The following TMEM132D variants were observed in gnomAD, a reference collection of about 807,000 sequenced individuals.
TMEM132D encodes mature OL transmembrane protein.
TMEM132D carries 21 observed loss-of-function variants against 62.3 expected under a neutral mutation model. The ratio of observed to expected loss-of-function variants is 0.34; its 90% confidence interval spans 0.24 to 0.49. TMEM132D has a LOEUF of 0.49. Among genes scored for constraint, TMEM132D ranks in the 20% least tolerant of loss-of-function variants. The pLI, the probability that TMEM132D is intolerant of heterozygous loss-of-function variation, is 0.99. For missense variants in TMEM132D, 1,346 were observed against 1,402.8 expected (o/e 0.96, Z 0.65); for synonymous variants, 621 against 575.6 (o/e 1.08, Z -1.13).
At chr12:129,136,964 TCATCATCACCATCAACAG>T (rs1366306534) in intron 5 of TMEM132D, among the ~76,000 whole-genome samples, 1 of 144,774 alleles carries the variant, frequency 6.9e-6, no homozygotes, top group African/African-American at 2.6e-5. Context: ...ACCATCATTA[TCATCATCACCATCAACAG>T]CATCATCAGC....
chr12:129,390,269 T>C (rs1871256955), intron 3 of TMEM132D, among the ~76,000 whole-genome samples: 1 of 152,176 alleles, frequency 6.6e-6, no homozygotes, highest in African/African-American at 2.4e-5. Flanking sequence ...CACCCTTCCA[T>C]TTACAGATCA....
intron 2 of TMEM132D, among the ~76,000 whole-genome samples, chr12:129,629,935 G>A (rs1241463194): frequency 1.3e-5 from 2 of 152,202 alleles, no homozygotes; most frequent in African/African-American, 4.8e-5. Context: ...TCAAGATCAA[G>A]ATGTGCTTCT....
intron 1 of TMEM132D, among the ~76,000 whole-genome samples, chr12:129,795,867 TA>T: frequency 6.6e-6 from 1 of 152,332 alleles, no homozygotes; most frequent in South Asian, 2.1e-4. Context: ...TGGATGAGTT[TA>T]ATTATTTTTA....
chr12:129,887,224 C>T (rs547445051), intron 1 of TMEM132D, among the ~76,000 whole-genome samples: 26 of 152,188 alleles, frequency 1.7e-4, no homozygotes, highest in African/African-American at 6.3e-4. Flanking sequence ...TGCAGACCGC[C>T]CGCCCCTCCC....
chr12:129,694,092 T>C (rs951296420), intron 2 of TMEM132D, among the ~76,000 whole-genome samples: 3 of 152,238 alleles, frequency 2.0e-5, no homozygotes, highest in Non-Finnish European at 1.5e-5. Context: ...CATTGCTCTA[T>C]GGTGCATTTC....
chr12:129,749,406 G>C (rs1297598470), intron 1 of TMEM132D, among the ~76,000 whole-genome samples: 2 of 152,044 alleles, frequency 1.3e-5, no homozygotes, highest in African/African-American at 4.8e-5. Context: ...TGTCTCTTCA[G>C]GTGAGGCAAC....
At chr12:129,569,061 G>T (rs1295853563) in intron 2 of TMEM132D, among the ~76,000 whole-genome samples, 1 of 152,120 alleles carries the variant, frequency 6.6e-6, no homozygotes, top group African/African-American at 2.4e-5. Context: ...TCCACACTTC[G>T]AGAGCCACTA....
intron 5 of TMEM132D, among the ~76,000 whole-genome samples, chr12:129,166,890 G>A (rs775108431): frequency 1.8e-4 from 27 of 151,954 alleles, no homozygotes; most frequent in Non-Finnish European, 2.5e-4. Flanking sequence ...GTTGCTGGGC[G>A]CAGTGGCTCA....
chr12:129,846,115 T>C (rs904172690), intron 1 of TMEM132D, among the ~76,000 whole-genome samples: 1 of 152,158 alleles, frequency 6.6e-6, no homozygotes, highest in African/African-American at 2.4e-5. Flanking sequence ...TAGTCTTCAA[T>C]CTGGTCCACA....
intron 4 of TMEM132D, among the ~76,000 whole-genome samples, chr12:129,249,388 G>T (rs908177323): frequency 6.6e-6 from 1 of 152,126 alleles, no homozygotes; most frequent in African/African-American, 2.4e-5. Flanking sequence ...TATACTATCT[G>T]CAATTATCAT....
intron 4 of TMEM132D, among the ~76,000 whole-genome samples, chr12:129,256,328 C>T (rs1259645283): frequency 1.3e-5 from 2 of 152,228 alleles, no homozygotes; most frequent in Admixed American, 6.5e-5. Flanking sequence ...GGCGGAATGA[C>T]ATGGTGGGCA....
intron 1 of TMEM132D, among the ~76,000 whole-genome samples, chr12:129,883,772 G>A (rs1309952170): frequency 6.6e-6 from 1 of 152,160 alleles, no homozygotes; most frequent in Non-Finnish European, 1.5e-5. Context: ...TGACAAAAAT[G>A]TAAAGTCGAT....
intron 2 of TMEM132D, among the ~76,000 whole-genome samples, chr12:129,544,988 C>T (rs533035352): frequency 5.9e-5 from 9 of 152,304 alleles, no homozygotes; most frequent in Middle Eastern, 3.4e-3. Flanking sequence ...TTGTGGTTTG[C>T]GTTCATAGTA....
At chr12:129,860,804 A>G (rs1873870352) in intron 1 of TMEM132D, among the ~76,000 whole-genome samples, 1 of 152,202 alleles carries the variant, frequency 6.6e-6, no homozygotes, top group African/African-American at 2.4e-5. Context: ...ACAGGGCAGC[A>G]GGAGAAAGAA....
intron 1 of TMEM132D, among the ~76,000 whole-genome samples, chr12:129,750,422 T>C (rs1297483886): frequency 6.6e-6 from 1 of 152,248 alleles, no homozygotes; most frequent in Non-Finnish European, 1.5e-5. Context: ...TATTTTCTAA[T>C]CCTAGTGTTC....
intron 1 of TMEM132D, among the ~76,000 whole-genome samples, chr12:129,720,109 G>C (rs1317265274): frequency 6.6e-6 from 1 of 152,154 alleles, no homozygotes; most frequent in Non-Finnish European, 1.5e-5. Context: ...ATTTAGAAAT[G>C]TGGTTTCTAA....
chr12:129,642,629 C>T (rs1476511180), intron 2 of TMEM132D, among the ~76,000 whole-genome samples: 1 of 152,202 alleles, frequency 6.6e-6, no homozygotes, highest in African/African-American at 2.4e-5. Flanking sequence ...TGAGCTTATT[C>T]TTCATTTACT....
chr12:129,268,728 T>C (rs1375204408), intron 4 of TMEM132D, among the ~76,000 whole-genome samples: 2 of 152,120 alleles, frequency 1.3e-5, no homozygotes, highest in African/African-American at 2.4e-5. Context: ...CATATGTTTA[T>C]TGGGGCACTA....
chr12:129,248,770 G>T (rs886899428), intron 4 of TMEM132D, among the ~76,000 whole-genome samples: 1 of 152,052 alleles, frequency 6.6e-6, no homozygotes, highest in Non-Finnish European at 1.5e-5. Flanking sequence ...CCCATCTGTT[G>T]TCATCATTGT....
Sources: allele counts gnomAD v4.1 joint callset (sites outside exome capture counted in the v4.1 genomes callset), GRCh38; gene constraint gnomAD v4.1.1; transcripts MANE v1.5; gene names NCBI Gene and HGNC (gene_info 2026-07-23, HGNC 2026-07-21).